The following SUB1 variants were observed in gnomAD, a reference collection of about 807,000 sequenced individuals.
The protein encoded by SUB1 is SUB1 regulator of transcription, also known as activated RNA polymerase II transcriptional coactivator p15.
Under a neutral mutation model 16.9 loss-of-function variants are expected in SUB1, and 1 was observed. The ratio of observed to expected loss-of-function variants is 0.06; its 90% CI spans 0.02 to 0.28. SUB1 has a LOEUF of 0.28. SUB1 is among the 10% of genes least tolerant of loss of function. SUB1 has a pLI of 1.00. For synonymous variants in SUB1, 51 were observed against 46.9 expected (o/e 1.09, Z -0.36); for missense variants, 84 against 145.2 (o/e 0.58, Z 2.16).
chr5:32,602,710 G>A lies in SUB1; in HGVS notation c.*1626G>A, dbSNP rs930798724. 5 of 154,288 alleles carry A rather than the reference G, an allele frequency of 3.2e-5. No homozygotes were observed. Among genetic ancestry groups the A allele is most frequent in the Admixed American group, 2.5e-4 (4 of 15,700 alleles). 9.6% of individuals were successfully genotyped at this position (154,288 alleles called of 1,614,324 possible). A position where few individuals can be genotyped will look rare whatever the true frequency, so the allele number is the denominator to read the frequency against. On this transcript the variant is annotated 3_prime_UTR_variant, in exon 5 of 5. Coordinates refer to ENST00000265073, the MANE Select transcript of SUB1 (RefSeq NM_006713.4). ...GCAGTAACCTTATGAGGTTCAAATT[G>A]GTAAATCTCTTGTAATTTAGCCTTC...
intron 1 of SUB1, among the ~76,000 whole-genome samples, chr5:32,587,898 C>T (rs965467476): frequency 4.6e-5 from 7 of 152,174 alleles, no homozygotes; most frequent in Non-Finnish European, 8.8e-5. Flanking sequence ...CGTGAACCAT[C>T]GTTCCCGGCC....
At chr5:32,600,923 A>T (rs185122239) in intron 4 of SUB1, 82 bp from the exon 5 acceptor site, 2 of 1,354,508 alleles carry the variant, frequency 1.5e-6, no homozygotes, top group African/African-American at 2.9e-5. Flanking sequence ...CAATTTTGAT[A>T]AAACAGTATT....
chr5:32,590,763 T>C (rs1197334966), intron 2 of SUB1, among the ~76,000 whole-genome samples: 1 of 34,488 alleles, frequency 2.9e-5, no homozygotes, highest in Non-Finnish European at 5.0e-5. Context: ...GCCTGGCTAA[T>C]TTTTTTTTTT....
At chr5:32,598,887 G>T (rs1320635818) in intron 3 of SUB1, 74 bp from the exon 4 acceptor site, 3 of 1,162,030 alleles carry the variant, frequency 2.6e-6, no homozygotes, top group Non-Finnish European at 3.8e-6. Flanking sequence ...GCAGCAAGTT[G>T]TGAATATGAA....
chr5:32,588,722 A>G, intron 2 of SUB1, 138 bp downstream of exon 2: 3 of 790,884 alleles, frequency 3.8e-6, no homozygotes, highest in Non-Finnish European at 5.5e-6. Flanking sequence ...CTGTTATCCT[A>G]CTTCTTTGGG....
At chr5:32,588,172 T>C (rs1050548675) in intron 1 of SUB1, among the ~76,000 whole-genome samples, 8 of 152,202 alleles carry the variant, frequency 5.3e-5, no homozygotes, top group African/African-American at 1.9e-4. Context: ...TAGTAATTGT[T>C]GTCTGCTGCC....
chr5:32,589,281 A>G (rs1241024531), intron 2 of SUB1, among the ~76,000 whole-genome samples: 1 of 151,990 alleles, frequency 6.6e-6, no homozygotes, highest in Non-Finnish European at 1.5e-5. Context: ...GGGACCAGGT[A>G]TTGCTGTGTT....
At position 32,601,042 on chromosome 5, in the gene SUB1, G is replaced by A; in HGVS notation, c.342G>A (p.Lys114=). Residue 114 remains lysine, a synonymous_variant, in exon 5 of 5, where the codon AAG becomes AAA. Coordinates refer to ENST00000265073, the MANE Select transcript of SUB1 (RefSeq NM_006713.4). ...SLNPEQWSQL[K]EQISDIDDAV... Reference sequence around the variant, plus strand: ...ATCCAGAACAATGGAGCCAGCTGAAGGAACAGATTTCTGACATTGATGATG... The same window carrying A: ...ATCCAGAACAATGGAGCCAGCTGAAAGAACAGATTTCTGACATTGATGATG... 3.1e-6 allele frequency: 5 copies of A among 1,612,164 alleles called. No homozygotes were observed. Among genetic ancestry groups the A allele is most frequent in the Non-Finnish European group, 4.2e-6 (5 of 1,179,754 alleles).
intron 3 of SUB1, chr5:32,596,993 A>G (rs1227774430): frequency 6.6e-6 from 1 of 152,214 alleles, no homozygotes; most frequent in East Asian, 1.9e-4. Flanking sequence ...GTGAACATGA[A>G]AAGGAAAAAC....
chr5:32,587,333 G>GAATTCCTTGA (rs1431533561), intron 1 of SUB1, among the ~76,000 whole-genome samples: 17 of 152,126 alleles, frequency 1.1e-4, no homozygotes, highest in African/African-American at 4.1e-4. Context: ...ACGTATCTTG[G>GAATTCCTTGA]AATTCCTTGA....
intron 1 of SUB1, among the ~76,000 whole-genome samples, chr5:32,587,053 G>A (rs1177529795): frequency 6.6e-6 from 1 of 152,128 alleles, no homozygotes; most frequent in Non-Finnish European, 1.5e-5. Context: ...TACAGTGTGT[G>A]ATGTGTTTAT....
chr5:32,591,366 A>G, intron 2 of SUB1, 197 bp from the exon 3 acceptor site: 1 of 625,952 alleles, frequency 1.6e-6, no homozygotes. Context: ...CTGAGAACAG[A>G]GTTTGAAAAC....
rs1739139481 is a variant in SUB1, at chr5:32,602,480, C to T, written c.*1396C>T. 3 of 233,058 alleles carry T rather than the reference C, an allele frequency of 1.3e-5. No individual in the cohort carries two copies. Among genetic ancestry groups the T allele is most frequent in the South Asian group, 9.3e-5 (2 of 21,546 alleles). The allele number at this position is 233,058 out of a possible 1,614,324, so 14.4% of individuals were successfully genotyped here. ...TTTGGTAGCAAATCTCAAATGGTTACCTGCTATTAAGGTCTGCCATATTAG... is the reference window on the plus strand; with the variant it reads ...TTTGGTAGCAAATCTCAAATGGTTATCTGCTATTAAGGTCTGCCATATTAG... On this transcript the variant is annotated 3_prime_UTR_variant, in exon 5 of 5. Coordinates refer to ENST00000265073, the MANE Select transcript of SUB1 (RefSeq NM_006713.4).
intron 3 of SUB1, chr5:32,596,181 G>T (rs1330244271): frequency 6.6e-6 from 1 of 152,158 alleles, no homozygotes; most frequent in East Asian, 1.9e-4. Flanking sequence ...GTTGGTCAGG[G>T]GCGTCTGTGA....
Position 32,601,194 on chromosome 5 carries a change from C to T in SUB1, c.*110C>T. On this transcript the variant is annotated 3_prime_UTR_variant, in exon 5 of 5. Transcript: ENST00000265073. Reference sequence around the variant, plus strand: ...TCCAAGCTATTGTATGTTTGGATTGCAGAAGAATTTGTAAGATGAATACTT... The same window carrying T: ...TCCAAGCTATTGTATGTTTGGATTGTAGAAGAATTTGTAAGATGAATACTT... 1.2e-6 allele frequency: 1 copy of T among 846,464 alleles called. No individual in the cohort carries two copies. Among genetic ancestry groups the T allele is most frequent in the African/African-American group, 1.8e-5 (1 of 56,622 alleles). 52.4% of individuals were successfully genotyped at this position (846,464 alleles called of 1,614,324 possible).
At position 32,600,959 on chromosome 5, in the gene SUB1, A is replaced by G. The variant is rs190416399; in HGVS notation, c.305-46A>G. 3.6e-5 allele frequency: 55 copies of G among 1,539,970 alleles called. No individual in the cohort carries two copies. The African/African-American group carries it at 6.0e-4, about 17-fold the overall frequency. ...CTAGTTGGAAGTATGAAAATCCTCAACGCTTAAATAGATTTTCACCTTTGA... is the reference window on the plus strand; with the variant it reads ...CTAGTTGGAAGTATGAAAATCCTCAGCGCTTAAATAGATTTTCACCTTTGA... On this transcript the variant is annotated intron_variant, in intron 4 of 4. Transcript: ENST00000265073.
chr5:32,588,805 C>T (rs1449162072), intron 2 of SUB1, among the ~76,000 whole-genome samples: 2 of 151,956 alleles, frequency 1.3e-5, no homozygotes, highest in Admixed American at 1.3e-4. Flanking sequence ...GAACCTGTCT[C>T]TTTAAAAAAA....
At chr5:32,588,093 G>T (rs552060979) in intron 1 of SUB1, among the ~76,000 whole-genome samples, 1 of 118,818 alleles carries the variant, frequency 8.4e-6, no homozygotes, top group East Asian at 2.4e-4. Flanking sequence ...ATAATTTTAC[G>T]TTAGTTCCAA....
At chr5:32,590,762 A>ATTTTTTTTTTTTTTT (rs70961652) in intron 2 of SUB1, among the ~76,000 whole-genome samples, 861 of 33,966 alleles carry the variant, frequency 0.025, 323 homozygotes, top group Non-Finnish European at 0.036. Context: ...CGCCTGGCTA[A>ATTTTTTTTTTTTTTT]TTTTTTTTTT....
Sources: allele counts gnomAD v4.1 joint callset (sites outside exome capture counted in the v4.1 genomes callset), GRCh38; gene constraint gnomAD v4.1.1; transcripts MANE v1.5; gene names NCBI Gene and HGNC (gene_info 2026-07-23, HGNC 2026-07-21).